The following TSNARE1 variants were observed in gnomAD, a reference collection of about 807,000 sequenced individuals.
TSNARE1 encodes t-SNARE domain-containing protein 1.
TSNARE1 carries 49 observed loss-of-function variants against 62.0 expected under a neutral mutation model. The observed-to-expected ratio is 0.79, with a 90% CI of 0.63 to 1.00. TSNARE1 has a LOEUF of 1.00. TSNARE1 is among the 50% of genes least tolerant of loss of function. The pLI is 0.00. For synonymous variants in TSNARE1, 328 were observed against 294.4 expected (o/e 1.11, Z -1.17); for missense variants, 755 against 700.1 (o/e 1.08, Z -0.88).
intron 11 of TSNARE1, among the ~76,000 whole-genome samples, chr8:142,279,624 G>A (rs946824700): frequency 2.0e-5 from 3 of 152,190 alleles, no homozygotes; most frequent in East Asian, 1.9e-4. Flanking sequence ...AGCTGGAACC[G>A]CAGCCCTTCC....
chr8:142,274,483 G>GCC, intron 12 of TSNARE1: 2 of 985,484 alleles, frequency 2.0e-6, no homozygotes, highest in Non-Finnish European at 2.4e-6. Flanking sequence ...GAGCGGGAAG[G>GCC]CCCCAAGGGC....
At chr8:142,250,131 G>A (rs1024311459) in intron 12 of TSNARE1, among the ~76,000 whole-genome samples, 3 of 152,218 alleles carry the variant, frequency 2.0e-5, no homozygotes, top group African/African-American at 7.2e-5. Context: ...GTGTGCTGGA[G>A]TCATTAATGC....
chr8:142,351,994 T>A (rs1165598321), intron 2 of TSNARE1, among the ~76,000 whole-genome samples: 3 of 152,232 alleles, frequency 2.0e-5, no homozygotes. Context: ...GATGGCAGCA[T>A]TATCATCTTG....
At chr8:142,264,068 C>T (rs1457033104) in intron 12 of TSNARE1, among the ~76,000 whole-genome samples, 1 of 152,158 alleles carries the variant, frequency 6.6e-6, no homozygotes, top group African/African-American at 2.4e-5. Flanking sequence ...TTGAAGGCTA[C>T]TAAGTTTCAT....
intron 2 of TSNARE1, among the ~76,000 whole-genome samples, chr8:142,351,532 G>A (rs1053877317): frequency 2.6e-5 from 4 of 152,266 alleles, no homozygotes; most frequent in South Asian, 4.1e-4. Flanking sequence ...GGCTCAGAAC[G>A]ATAAAGAAAT....
At chr8:142,246,401 A>C (rs1232315764) in intron 12 of TSNARE1, among the ~76,000 whole-genome samples, 2 of 149,374 alleles carry the variant, frequency 1.3e-5, no homozygotes, top group African/African-American at 2.5e-5. Flanking sequence ...CCTGCCCCCC[A>C]CCATCCAGCC....
intron 5 of TSNARE1, 48 bp from the exon 6 acceptor site, chr8:142,331,018 C>A: frequency 6.4e-7 from 1 of 1,553,190 alleles, no homozygotes. Context: ...AGCTTCCCTG[C>A]CCCCTGCTAC....
At chr8:142,266,288 T>C (rs1819129088) in intron 12 of TSNARE1, among the ~76,000 whole-genome samples, 1 of 152,252 alleles carries the variant, frequency 6.6e-6, no homozygotes, top group South Asian at 2.1e-4. Context: ...AATGAGGATT[T>C]GGATTTACTT....
At chr8:142,258,546 A>T (rs1250483878) in intron 12 of TSNARE1, among the ~76,000 whole-genome samples, 1 of 136,622 alleles carries the variant, frequency 7.3e-6, no homozygotes, top group East Asian at 2.1e-4. Context: ...CCGTGGCGTG[A>T]TCTAGGCTCA....
chr8:142,306,045 C>A (rs987053757), intron 9 of TSNARE1, among the ~76,000 whole-genome samples: 2 of 152,220 alleles, frequency 1.3e-5, no homozygotes, highest in African/African-American at 4.8e-5. Context: ...GGGGCCAGGG[C>A]AAGAGGCGCT....
chr8:142,385,597 T>C (rs962180811), intron 1 of TSNARE1, among the ~76,000 whole-genome samples: 1 of 152,140 alleles, frequency 6.6e-6, no homozygotes, highest in African/African-American at 2.4e-5. Flanking sequence ...CTCCTCACCT[T>C]ATTAGTAAGA....
chr8:142,315,929 C>T (rs928392401), intron 7 of TSNARE1, among the ~76,000 whole-genome samples: 5 of 152,218 alleles, frequency 3.3e-5, no homozygotes, highest in East Asian at 1.9e-4. Context: ...GAGTCAAAGA[C>T]GTGGTAGGCA....
chr8:142,223,067 CTCGCTCATACTCAT>C (rs1414281933), intron 13 of TSNARE1, among the ~76,000 whole-genome samples: 3 of 91,882 alleles, frequency 3.3e-5, no homozygotes, highest in African/African-American at 5.0e-5. Flanking sequence ...CATTCACTTA[CTCGCTCATACTCAT>C]TCACTCATTC....
chr8:142,261,163 A>G, intron 12 of TSNARE1, among the ~76,000 whole-genome samples: 1 of 97,126 alleles, frequency 1.0e-5, no homozygotes, highest in Non-Finnish European at 2.0e-5. Context: ...GAAGGGAGGG[A>G]GGAGAGAGGG....
intron 10 of TSNARE1, among the ~76,000 whole-genome samples, chr8:142,295,544 C>T (rs1453173829): frequency 6.6e-6 from 1 of 152,244 alleles, no homozygotes; most frequent in Admixed American, 6.5e-5. Context: ...GACGGCTGCC[C>T]TGCGGCCAGT....
intron 6 of TSNARE1, among the ~76,000 whole-genome samples, chr8:142,323,197 A>G (rs1410363495): frequency 6.6e-6 from 1 of 152,248 alleles, no homozygotes; most frequent in Non-Finnish European, 1.5e-5. Context: ...CCACAGATTC[A>G]AGGTAATCCC....
At chr8:142,383,891 A>T (rs942274449) in intron 1 of TSNARE1, among the ~76,000 whole-genome samples, 1 of 152,186 alleles carries the variant, frequency 6.6e-6, no homozygotes, top group Non-Finnish European at 1.5e-5. Flanking sequence ...TTTAGAAAAA[A>T]CAGGAAATAA....
chr8:142,376,839 G>C (rs762571195), intron 1 of TSNARE1, among the ~76,000 whole-genome samples: 1 of 152,238 alleles, frequency 6.6e-6, no homozygotes, highest in Non-Finnish European at 1.5e-5. Context: ...ACCCCGCAGA[G>C]AGGCCAGCCC....
chr8:142,391,118 T>C (rs1480647391), intron 1 of TSNARE1, among the ~76,000 whole-genome samples: 1 of 140,716 alleles, frequency 7.1e-6, no homozygotes, highest in African/African-American at 2.7e-5. Flanking sequence ...ACAGACGCTG[T>C]ACACTGCTGG....
Sources: allele counts gnomAD v4.1 joint callset (sites outside exome capture counted in the v4.1 genomes callset), GRCh38; gene constraint gnomAD v4.1.1; transcripts MANE v1.5; gene names NCBI Gene and HGNC (gene_info 2026-07-23, HGNC 2026-07-21).